ARRDC5: variants seen among roughly 807,000 people sequenced by gnomAD.
ARRDC5 encodes arrestin domain-containing protein 5.
Under a neutral mutation model 13.3 loss-of-function variants are expected in ARRDC5, and 12 were observed. The ratio of observed to expected loss-of-function variants is 0.90; its 90% confidence interval spans 0.58 to 1.46. The LOEUF (loss-of-function observed/expected upper bound fraction) is 1.46. Ranked by LOEUF, ARRDC5 falls within the 40% of genes most tolerant of loss-of-function variation. The pLI, the probability that ARRDC5 is intolerant of heterozygous loss-of-function variation, is 0.00. For missense variants in ARRDC5, 406 were observed against 418.7 expected (o/e 0.97, Z 0.26); for synonymous variants, 181 against 173.4 (o/e 1.04, Z -0.34).
the ARRDC5 span, among the ~76,000 whole-genome samples, chr19:4,912,488 A>G: frequency 2.0e-5 from 3 of 152,132 alleles, no homozygotes; most frequent in Non-Finnish European, 4.4e-5. Flanking sequence ...ACTCTATGCC[A>G]GCCACCGAGC....
upstream of ARRDC5, among the ~76,000 whole-genome samples, chr19:4,906,352 A>G (rs2032064200): frequency 6.6e-6 from 1 of 152,170 alleles, no homozygotes; most frequent in South Asian, 2.1e-4. Context: ...CCCTCAATCA[A>G]CAGTCCTCAG....
intron 1 of ARRDC5, among the ~76,000 whole-genome samples, chr19:4,901,104 A>G (rs2031897648): frequency 6.6e-6 from 1 of 152,002 alleles, no homozygotes; most frequent in South Asian, 2.1e-4. Flanking sequence ...GCGCCATTGC[A>G]CTCCAGCCTG....
chr19:4,904,539 T>A (rs1042517153), upstream of ARRDC5, among the ~76,000 whole-genome samples: 1 of 152,016 alleles, frequency 6.6e-6, no homozygotes, highest in African/African-American at 2.4e-5. Flanking sequence ...GATCTTGAAC[T>A]CCTGACCTCA....
At chr19:4,910,942 G>C in the ARRDC5 span, 52 of 1,613,620 alleles carry the variant, frequency 3.2e-5, no homozygotes, top group Non-Finnish European at 4.3e-5. Flanking sequence ...TGGACTCGCT[G>C]TCCAGGCTGA....
chr19:4,897,732 G>C (rs2031782452), intron 1 of ARRDC5, among the ~76,000 whole-genome samples: 1 of 152,146 alleles, frequency 6.6e-6, no homozygotes. Flanking sequence ...TCCCAGGCTG[G>C]TCTTGAACTT....
At chr19:4,909,376 G>T in the ARRDC5 span, 1 of 609,524 alleles carries the variant, frequency 1.6e-6, no homozygotes, top group Admixed American at 2.7e-5. Context: ...AGGCGGGGGC[G>T]CCCCCCACCC....
At chr19:4,896,432 G>A (rs2031737584) in intron 2 of ARRDC5, among the ~76,000 whole-genome samples, 1 of 146,622 alleles carries the variant, frequency 6.8e-6, no homozygotes, top group Non-Finnish European at 1.5e-5. Context: ...TTTAGAGACA[G>A]GGTCTCACTC....
chr19:4,915,642 GGA>G, the ARRDC5 span, among the ~76,000 whole-genome samples: 1 of 152,010 alleles, frequency 6.6e-6, no homozygotes, highest in Non-Finnish European at 1.5e-5. Context: ...CTGGGAGGTG[GGA>G]GGTTGCAGTG....
At chr19:4,904,843 C>T (rs2032032745), upstream of ARRDC5, among the ~76,000 whole-genome samples, 1 of 152,194 alleles carries the variant, frequency 6.6e-6, no homozygotes, top group Non-Finnish European at 1.5e-5. Context: ...CCTTTGCACT[C>T]TAACAATTAT....
At chr19:4,893,690 A>C (rs540276818) in intron 2 of ARRDC5, among the ~76,000 whole-genome samples, 1 of 142,474 alleles carries the variant, frequency 7.0e-6, no homozygotes. Context: ...CCAGAAGTTC[A>C]AGACCAGCCT....
At chr19:4,910,323 C>A in the ARRDC5 span, 1 of 108,706 alleles carries the variant, frequency 9.2e-6, no homozygotes, top group South Asian at 2.7e-4. Flanking sequence ...GGGGCGGGCC[C>A]GGTCGCGCAC....
the ARRDC5 span, among the ~76,000 whole-genome samples, chr19:4,908,116 C>G: frequency 1.3e-5 from 2 of 152,176 alleles, no homozygotes; most frequent in Non-Finnish European, 2.9e-5. Context: ...GACATTGTGC[C>G]CACCTGGATC....
rs1197749598 is a variant in ARRDC5 at position 4,894,497 on chromosome 19, C to T, written c.459+2174G>A. Among the ~76,000 whole-genome samples, 47 of 57,284 alleles carry T rather than the reference C, an allele frequency of 8.2e-4. 1 individual carries two copies. The highest frequency in any genetic ancestry group is 3.4e-3 in the African/African-American group (33 of 9,776). 37.6% of individuals were successfully genotyped at this position (57,284 alleles called of 152,430 possible). On this transcript the variant is annotated intron_variant, in intron 2 of 2. Transcript: ENST00000650722. ...CTGCACTCCAGCCTGGGCGACAGAG[C>T]GAGACTCCGTCTCAAAAAAAAAAAA...
chr19:4,908,334 T>A, the ARRDC5 span, among the ~76,000 whole-genome samples: 1 of 152,266 alleles, frequency 6.6e-6, no homozygotes, highest in East Asian at 1.9e-4. Context: ...GGAGACTTAA[T>A]AGAGTGACGA....
At chr19:4,893,389 C>T (rs1193441057) in intron 2 of ARRDC5, among the ~76,000 whole-genome samples, 1 of 148,750 alleles carries the variant, frequency 6.7e-6, no homozygotes, top group Non-Finnish European at 1.5e-5. Context: ...AACTGTAATC[C>T]CAGCTACTCA....
chr19:4,895,671 G>A (rs1245928039), intron 2 of ARRDC5, among the ~76,000 whole-genome samples: 1 of 152,146 alleles, frequency 6.6e-6, no homozygotes. Flanking sequence ...CTGGACTGAG[G>A]CCACCACCTC....
At chr19:4,894,733 A>C (rs2031653751) in intron 2 of ARRDC5, among the ~76,000 whole-genome samples, 1 of 91,922 alleles carries the variant, frequency 1.1e-5, no homozygotes, top group Non-Finnish European at 2.5e-5. Context: ...GAAGAAGAAG[A>C]GGAAGAGGAA....
At chr19:4,910,624 T>G in the ARRDC5 span, 1 of 383,720 alleles carries the variant, frequency 2.6e-6, no homozygotes, top group East Asian at 3.8e-5. Flanking sequence ...CTTCTGCTTT[T>G]CTTTCAATTC....
rs1300528035 is a variant in ARRDC5 at position 4,890,935 on chromosome 19, C to T, written c.*111G>A. 4 of 842,546 alleles carry T rather than the reference C, an allele frequency of 4.7e-6. No individual in the cohort carries two copies. The African/African-American group carries it at 6.9e-5, about 14-fold the overall frequency. The allele number at this position is 842,546 out of a possible 1,614,324, so 52.2% of individuals were successfully genotyped here. A position where few individuals can be genotyped will look rare whatever the true frequency, so the allele number is the denominator to read the frequency against. The stretch of plus-strand genomic sequence containing the variant: ...AAACCGCTAGAGCTTGGGGAGGTTG[C>T]AGACAACCTGTTGCCCACTCCTCGA... On this transcript the variant is annotated 3_prime_UTR_variant, in exon 3 of 3. Coordinates refer to ENST00000650722, the MANE Select transcript of ARRDC5 (RefSeq NM_001080523.3).
Sources: allele counts gnomAD v4.1 joint callset (sites outside exome capture counted in the v4.1 genomes callset), GRCh38; gene constraint gnomAD v4.1.1; transcripts MANE v1.5; gene names NCBI Gene and HGNC (gene_info 2026-07-23, HGNC 2026-07-21).